PLXDC2: variants seen among roughly 807,000 people sequenced by gnomAD.
PLXDC2 encodes plexin domain containing 2, also known as plexin domain-containing protein 2.
A neutral mutation model predicts 68.9 loss-of-function variants in PLXDC2; 40 were observed. The ratio of observed to expected loss-of-function variants is 0.58; its 90% CI spans 0.45 to 0.76. The LOEUF (loss-of-function observed/expected upper bound fraction) is 0.76. Ranked by LOEUF, PLXDC2 falls within the 30% of genes least tolerant of loss-of-function variation. PLXDC2 has a pLI of 0.00. For missense variants in PLXDC2, 644 were observed against 661.9 expected (o/e 0.97, Z 0.30); for synonymous variants, 243 against 234.2 (o/e 1.04, Z -0.34).
chr10:20,129,160 G>A (rs1479542826), intron 4 of PLXDC2, among the ~76,000 whole-genome samples: 1 of 152,086 alleles, frequency 6.6e-6, no homozygotes, highest in East Asian at 1.9e-4. Flanking sequence ...CTTTCATGTT[G>A]CTCATAATAG....
chr10:19,991,305 A>C (rs1404235146), intron 1 of PLXDC2, among the ~76,000 whole-genome samples: 1 of 150,116 alleles, frequency 6.7e-6, no homozygotes, highest in East Asian at 1.9e-4. Context: ...TTCTTTGTTA[A>C]ATTTATAGTG....
At chr10:19,906,570 C>T (rs1833161101) in intron 1 of PLXDC2, among the ~76,000 whole-genome samples, 1 of 151,910 alleles carries the variant, frequency 6.6e-6, no homozygotes, top group Non-Finnish European at 1.5e-5. Context: ...TGTGAGAGCC[C>T]CATAGGGGAG....
chr10:20,016,652 A>G (rs1034564457), intron 2 of PLXDC2, among the ~76,000 whole-genome samples: 2 of 152,232 alleles, frequency 1.3e-5, no homozygotes, highest in Middle Eastern at 3.2e-3. Context: ...TCTCAGGCAC[A>G]GGACAGTGCT....
chr10:20,013,548 AT>A (rs1835152697), intron 2 of PLXDC2, among the ~76,000 whole-genome samples: 1 of 152,112 alleles, frequency 6.6e-6, no homozygotes. Flanking sequence ...TTTTTCTAAG[AT>A]TATAGTGCTT....
intron 4 of PLXDC2, among the ~76,000 whole-genome samples, chr10:20,080,090 G>A (rs1183979614): frequency 1.3e-5 from 2 of 152,130 alleles, no homozygotes; most frequent in Non-Finnish European, 2.9e-5. Context: ...ATGAGCAAAT[G>A]ACAAAGACAG....
chr10:20,067,426 C>T (rs941539373), intron 3 of PLXDC2, among the ~76,000 whole-genome samples: 1 of 152,140 alleles, frequency 6.6e-6, no homozygotes, highest in Admixed American at 6.6e-5. Context: ...TGGCTCACGC[C>T]TGTAATCCAA....
intron 3 of PLXDC2, among the ~76,000 whole-genome samples, chr10:20,050,584 C>A (rs1427693133): frequency 2.6e-5 from 4 of 151,814 alleles, no homozygotes; most frequent in Non-Finnish European, 5.9e-5. Context: ...ATACGTGCAG[C>A]CAACAAGCAT....
At chr10:20,001,316 G>C (rs1274883915) in intron 1 of PLXDC2, among the ~76,000 whole-genome samples, 1 of 152,152 alleles carries the variant, frequency 6.6e-6, no homozygotes, top group Non-Finnish European at 1.5e-5. Flanking sequence ...TCTCTTTGCT[G>C]TCCAGCATGA....
At chr10:19,893,900 G>C (rs1262227144) in intron 1 of PLXDC2, among the ~76,000 whole-genome samples, 1 of 152,200 alleles carries the variant, frequency 6.6e-6, no homozygotes, top group African/African-American at 2.4e-5. Context: ...ATATTCATGA[G>C]TAGAGTTTAG....
intron 9 of PLXDC2, among the ~76,000 whole-genome samples, chr10:20,201,716 A>G (rs1214282550): frequency 4.6e-5 from 7 of 152,106 alleles, no homozygotes; most frequent in Admixed American, 4.6e-4. Context: ...TATGTATTAA[A>G]ACATAACTAC....
At chr10:19,834,818 C>T (rs574412182) in intron 1 of PLXDC2, among the ~76,000 whole-genome samples, 9 of 152,252 alleles carry the variant, frequency 5.9e-5, no homozygotes, top group Admixed American at 3.9e-4. Context: ...AAAATACAGC[C>T]TTTGCCAGGT....
At chr10:20,168,207 G>T (rs1337751219) in intron 7 of PLXDC2, among the ~76,000 whole-genome samples, 1 of 152,018 alleles carries the variant, frequency 6.6e-6, no homozygotes, top group Non-Finnish European at 1.5e-5. Context: ...CAAGTATAAG[G>T]AATATTGTCA....
chr10:19,852,425 C>CAAAAAAAAAA lies in PLXDC2; in HGVS notation c.112+35265_112+35274dup, dbSNP rs61430454. ...TGGGTGACAGAGCAAGACCCTGTCT[C>CAAAAAAAAAA]AAAAAAAAAAAAAAAAAAAAAAAAA... is the stretch of plus-strand genomic sequence containing the variant. On this transcript the variant is annotated intron_variant, in intron 1 of 13. Coordinates refer to ENST00000377252, the MANE Select transcript of PLXDC2 (RefSeq NM_032812.9). Among the ~76,000 whole-genome samples the CAAAAAAAAAA allele has an allele frequency of 2.6e-4, 16 of 61,928 alleles. 2 individuals carry two copies. Among genetic ancestry groups the CAAAAAAAAAA allele is most frequent in the Non-Finnish European group, 3.8e-4 (13 of 34,620 alleles). 40.6% of individuals were successfully genotyped at this position (61,928 alleles called of 152,430 possible).
At chr10:19,915,862 A>AAAGAAG (rs71507296) in intron 1 of PLXDC2, among the ~76,000 whole-genome samples, 58 of 150,110 alleles carry the variant, frequency 3.9e-4, no homozygotes, top group East Asian at 2.2e-3. Flanking sequence ...AACCAAAAAA[A>AAAGAAG]AAGAAGAAGA....
chr10:20,254,399 G>C (rs752900033), intron 13 of PLXDC2, among the ~76,000 whole-genome samples: 3 of 152,110 alleles, frequency 2.0e-5, no homozygotes, highest in Admixed American at 1.3e-4. Context: ...AGGAAGACGC[G>C]ATCTGTGGAC....
intron 1 of PLXDC2, among the ~76,000 whole-genome samples, chr10:19,929,914 A>T (rs940196548): frequency 8.5e-5 from 13 of 152,312 alleles, no homozygotes; most frequent in African/African-American, 3.1e-4. Flanking sequence ...TTCTGAAAGC[A>T]CTGTGGTGCT....
At chr10:20,211,779 A>G (rs934506809) in intron 10 of PLXDC2, 50 bp downstream of exon 10, 25 of 1,552,666 alleles carry the variant, frequency 1.6e-5, no homozygotes, top group South Asian at 3.4e-5. Flanking sequence ...TGTCATATAC[A>G]TGTGTTTTAA....
At chr10:19,865,396 G>A (rs1042373516) in intron 1 of PLXDC2, among the ~76,000 whole-genome samples, 12 of 152,148 alleles carry the variant, frequency 7.9e-5, no homozygotes, top group African/African-American at 2.7e-4. Context: ...ACATGACAAT[G>A]GTAGAGTTGG....
chr10:20,058,180 A>G (rs992778250), intron 3 of PLXDC2, among the ~76,000 whole-genome samples: 28 of 152,198 alleles, frequency 1.8e-4, no homozygotes, highest in African/African-American at 6.8e-4. Context: ...TTTATGGGGT[A>G]CAGGTGATAT....
Sources: gnomAD v4.1 joint callset for allele counts (sites outside exome capture counted in the v4.1 genomes callset) on GRCh38, gnomAD v4.1.1 for gene constraint, MANE v1.5 for transcripts, NCBI Gene and HGNC (gene_info 2026-07-23, HGNC 2026-07-21) for gene names.